The following CCDC50 variants were observed in gnomAD, a reference collection of about 807,000 sequenced individuals.
The protein encoded by CCDC50 is coiled-coil domain-containing protein 50.
A neutral mutation model predicts 70.2 loss-of-function variants in CCDC50; 54 were observed. The ratio of observed to expected loss-of-function variants is 0.77; its 90% CI spans 0.62 to 0.96. CCDC50 has a LOEUF of 0.96. Among genes scored for constraint, CCDC50 ranks in the 50% least tolerant of loss-of-function variants. The pLI, the probability that CCDC50 is intolerant of heterozygous loss-of-function variation, is 0.00. For missense variants in CCDC50, 558 were observed against 578.7 expected (o/e 0.96, Z 0.37); for synonymous variants, 216 against 198.8 (o/e 1.09, Z -0.73).
intron 9 of CCDC50, 151 bp downstream of exon 9, chr3:191,381,083 C>A: frequency 1.4e-6 from 1 of 702,246 alleles, no homozygotes; most frequent in Non-Finnish European, 2.4e-6. Context: ...TGTGAAGATT[C>A]CATCACCATG....
rs527546584 is a variant in CCDC50 at position 191,379,403 on chromosome 3, C to T, written c.977-756C>T. Among the ~76,000 whole-genome samples, 4 of 152,168 alleles carry T rather than the reference C, an allele frequency of 2.6e-5. No individual in the cohort carries two copies. In the South Asian group the frequency reaches 8.3e-4, roughly 32 times the overall value. On this transcript the variant is annotated intron_variant, in intron 6 of 11. Transcript: ENST00000392455. ...ACTATTTCAGATAAGTAATCTTGTT[C>T]ACTGTATTCAAAATTTTTATTAATT... is the stretch of plus-strand genomic sequence containing the variant.
chr3:191,359,185 G>C (rs1712398677), intron 3 of CCDC50, among the ~76,000 whole-genome samples: 1 of 152,098 alleles, frequency 6.6e-6, no homozygotes, highest in South Asian at 2.1e-4. Flanking sequence ...AGAGAGAAGA[G>C]ACTGGGAAAA....
At chr3:191,390,290 C>A (rs1309589275) in intron 11 of CCDC50, among the ~76,000 whole-genome samples, 1 of 151,982 alleles carries the variant, frequency 6.6e-6, no homozygotes, top group Non-Finnish European at 1.5e-5. Context: ...TCCCACATAA[C>A]TGTTATGCAA....
intron 4 of CCDC50, among the ~76,000 whole-genome samples, chr3:191,369,198 T>A (rs187164777): frequency 9.2e-5 from 14 of 152,320 alleles, no homozygotes; most frequent in Admixed American, 6.5e-4. Flanking sequence ...AATCTTGTAC[T>A]AATTCCTTTA....
chr3:191,396,309 C>G lies in CCDC50; in HGVS notation c.*4549C>G, dbSNP rs889613280. On this transcript the variant is annotated 3_prime_UTR_variant, in exon 12 of 12. Transcript: ENST00000392455. ...CAGCTTTCCATTGAGATATAACATT[C>G]ACAGATGATCCCCAAGTATCCTTGT... 1 of 152,176 alleles carries G rather than the reference C, an allele frequency of 6.6e-6. No homozygotes were observed. Among genetic ancestry groups the G allele is most frequent in the African/African-American group, 2.4e-5 (1 of 41,450 alleles). 9.4% of individuals were successfully genotyped at this position (152,176 alleles called of 1,614,324 possible).
chr3:191,338,692 T>G (rs940814939), intron 1 of CCDC50, among the ~76,000 whole-genome samples: 3 of 152,202 alleles, frequency 2.0e-5, no homozygotes, highest in Admixed American at 1.3e-4. Flanking sequence ...CCATTGAAGC[T>G]CCATAGAGCT....
intron 1 of CCDC50, among the ~76,000 whole-genome samples, chr3:191,334,237 A>C (rs1718074241): frequency 6.6e-6 from 1 of 152,142 alleles, no homozygotes; most frequent in Non-Finnish European, 1.5e-5. Context: ...GAATGCATGG[A>C]GTTGTTGAAA....
rs78694997 is a variant in CCDC50 at position 191,334,463 on chromosome 3, G to T, written c.49+4740G>T. The stretch of plus-strand genomic sequence containing the variant: ...ATAGTTAATTGGTACTTTAAAAAGA[G>T]ATTTCAGAGTAGAAAGCACTAAAAA... On this transcript the variant is annotated intron_variant, in intron 1 of 11. Transcript: ENST00000392455. 9.4e-3 allele frequency among the ~76,000 whole-genome samples: 1,428 copies of T among 152,226 alleles called. 16 individuals are homozygous for T. Among genetic ancestry groups the T allele is most frequent in the African/African-American group, 0.033 (1,375 of 41,558 alleles).
intron 1 of CCDC50, among the ~76,000 whole-genome samples, chr3:191,349,966 A>ACACCC (rs1712049355): frequency 9.5e-6 from 1 of 105,622 alleles, no homozygotes; most frequent in African/African-American, 3.1e-5. Flanking sequence ...ATTTAATAAT[A>ACACCC]CCCCCCCCCT....
rs1157857489 is a variant in CCDC50, at chr3:191,396,881, C to A, written c.*5121C>A. 2 of 152,152 alleles carry A rather than the reference C, an allele frequency of 1.3e-5. No homozygotes were observed. The highest frequency in any genetic ancestry group is 4.8e-5 in the African/African-American group (2 of 41,432). 9.4% of individuals were successfully genotyped at this position (152,152 alleles called of 1,614,324 possible). A position where few individuals can be genotyped will look rare whatever the true frequency, so the allele number is the denominator to read the frequency against. ...TGGCCCTAAAAACCATTCTCTTTCC[C>A]TTATATATATAAATATGTGAACACT... On this transcript the variant is annotated 3_prime_UTR_variant, in exon 12 of 12. Coordinates refer to ENST00000392455, the MANE Select transcript of CCDC50 (RefSeq NM_178335.3).
At chr3:191,337,518 T>C (rs1037789554) in intron 1 of CCDC50, among the ~76,000 whole-genome samples, 5 of 152,106 alleles carry the variant, frequency 3.3e-5, no homozygotes, top group African/African-American at 1.2e-4. Context: ...CTAATTTTTG[T>C]ATTTTTAGTA....
chr3:191,382,784 G>C lies in CCDC50; in HGVS notation c.1281G>C (p.Glu427Asp). Residue 427 changes from glutamate (E) to aspartate (D), a missense_variant, in exon 10 of 12, where the codon GAG (glutamate) becomes GAC (aspartate). Physicochemically the swap from Glu to Asp is conservative, Grantham distance 45 (BLOSUM62 2). Coordinates refer to ENST00000392455, the MANE Select transcript of CCDC50 (RefSeq NM_178335.3). The part of the protein sequence containing the change: ...TAKAANSKSK[E>D]SDEPHHSKNE... Reference sequence around the variant, plus strand: ...AAGCAGCAAATTCCAAGTCAAAAGAGAGTGATGAACCTCACCATTCTAAGA... The same window carrying C: ...AAGCAGCAAATTCCAAGTCAAAAGACAGTGATGAACCTCACCATTCTAAGA... The C allele has an allele frequency of 6.2e-7, 1 of 1,613,144 alleles. No individual in the cohort carries two copies. The highest frequency in any genetic ancestry group is 8.5e-7 in the Non-Finnish European group (1 of 1,179,320).
chr3:191,374,768 AT>A (rs1713033896), intron 5 of CCDC50, among the ~76,000 whole-genome samples: 1 of 152,134 alleles, frequency 6.6e-6, no homozygotes, highest in South Asian at 2.1e-4. Context: ...TAATTTTGTT[AT>A]TGGCAAATAT....
At position 191,329,631 on chromosome 3, in the gene CCDC50, C is replaced by T; in HGVS notation, c.-44C>T. ...GGGCCCCGCTCGGCGCCGGCGGTGA[C>T]CGGGAAGCCCGCGTTAAAGGGGCAA... is the stretch of plus-strand genomic sequence containing the variant. On this transcript the variant is annotated 5_prime_UTR_variant, in exon 1 of 12. Coordinates refer to ENST00000392455, the MANE Select transcript of CCDC50 (RefSeq NM_178335.3). 6.3e-7 allele frequency: 1 copy of T among 1,588,076 alleles called. No homozygotes were observed. Among genetic ancestry groups the T allele is most frequent in the South Asian group, 1.1e-5 (1 of 87,232 alleles).
At chr3:191,338,319 G>A (rs550674680) in intron 1 of CCDC50, among the ~76,000 whole-genome samples, 44 of 152,126 alleles carry the variant, frequency 2.9e-4, no homozygotes, top group African/African-American at 9.6e-4. Context: ...TGTAAATATC[G>A]AATACAAGAG....
At chr3:191,381,337 A>G (rs1020145984) in intron 9 of CCDC50, among the ~76,000 whole-genome samples, 3 of 152,086 alleles carry the variant, frequency 2.0e-5, no homozygotes, top group Non-Finnish European at 2.9e-5. Context: ...TCTATCATGT[A>G]TCCGTTTCTC....
At chr3:191,347,694 C>T (rs1330623000) in intron 1 of CCDC50, among the ~76,000 whole-genome samples, 1 of 141,940 alleles carries the variant, frequency 7.0e-6, no homozygotes, top group Non-Finnish European at 1.6e-5. Context: ...TTCTAGGATC[C>T]TATTAGGCAA....
In CCDC50 at chr3:191,329,413, T is replaced by G; in HGVS notation, c.-262T>G. 9.6e-6 allele frequency: 4 copies of G among 415,174 alleles called. No homozygotes were observed. Among genetic ancestry groups the G allele is most frequent in the Admixed American group, 4.8e-5 (1 of 21,040 alleles). The allele number at this position is 415,174 out of a possible 1,614,324, so 25.7% of individuals were successfully genotyped here. Reference sequence around the variant, plus strand: ...CGGTCCATTTCCGGGCTCCGGATATTTGGTATCGATTGGGGCCGGGGACGC... The same window carrying G: ...CGGTCCATTTCCGGGCTCCGGATATGTGGTATCGATTGGGGCCGGGGACGC... On this transcript the variant is annotated 5_prime_UTR_variant, in exon 1 of 12. In the 5' UTR this introduces an upstream ATG that the reference lacks. Coordinates refer to ENST00000392455, the MANE Select transcript of CCDC50 (RefSeq NM_178335.3).
chr3:191,384,422 T>C (rs574424843), intron 10 of CCDC50, among the ~76,000 whole-genome samples: 8 of 151,720 alleles, frequency 5.3e-5, no homozygotes, highest in African/African-American at 1.9e-4. Context: ...AATCTGGTTT[T>C]CCTCTTTCAC....
Sources: gnomAD v4.1 joint callset for allele counts (sites outside exome capture counted in the v4.1 genomes callset) on GRCh38, gnomAD v4.1.1 for gene constraint, MANE v1.5 for transcripts, NCBI Gene and HGNC (gene_info 2026-07-23, HGNC 2026-07-21) for gene names.